Variants in TENM2 observed in about 807,000 individuals in gnomAD.
TENM2 encodes the protein teneurin transmembrane protein 2, also known as teneurin-2.
In TENM2, 52 loss-of-function variants were observed where a neutral mutation model predicts 245.2. The observed-to-expected ratio is 0.21, with a 90% CI of 0.17 to 0.27. TENM2 has a LOEUF of 0.27. Among genes scored for constraint, TENM2 ranks in the 10% least tolerant of loss-of-function variants. The pLI is 1.00. For missense variants in TENM2, 3,046 were observed against 3,666.8 expected, an observed-to-expected ratio of 0.83 and a Z score of 4.37; for synonymous variants, 1,363 against 1,438.9, an observed-to-expected ratio of 0.95 and a Z score of 1.19.
chr5:167,398,254 A>G (rs1762166992), intron 2 of TENM2, among the ~76,000 whole-genome samples: 1 of 152,192 alleles, frequency 6.6e-6, no homozygotes, highest in Admixed American at 6.5e-5. Flanking sequence ...GCTCCATGAC[A>G]TTGGCAAATT....
rs1444570829 is a variant in TENM2, at chr5:168,218,482, T to C, written c.4591T>C (p.Tyr1531His). The C allele has an allele frequency of 7.4e-6, 12 of 1,613,928 alleles. No individual in the cohort carries two copies. In the East Asian group the frequency reaches 2.7e-4, roughly 36 times the overall value. ...CAAAAACGATGTCAATTGCAACTGC[T>C]ATTCAGGAGATGATGCCTACGCGAC... The change falls in exon 23 of 29, where the codon TAT (tyrosine) becomes CAT (histidine). Residue 1531 changes from tyrosine (Y) to histidine (H), a missense_variant. Tyr to His is a moderately conservative substitution (Grantham distance 83). This residue lies in a region of TENM2 where 2,704 missense variants were observed against 3,331.9 expected (regional missense o/e 0.81). Coordinates refer to ENST00000518659, the Ensembl canonical transcript of TENM2. This position sits in a 1 kb window ranked among gnomAD's most constrained non-coding sequence, Gnocchi z 5.2.
chr5:167,200,751 A>G, the TENM2 span, among the ~76,000 whole-genome samples: 12 of 152,174 alleles, frequency 7.9e-5, no homozygotes, highest in Admixed American at 7.9e-4. Context: ...CAACTTTCAC[A>G]GATTTTCCAT....
the TENM2 span, among the ~76,000 whole-genome samples, chr5:166,994,809 A>G: frequency 6.6e-6 from 1 of 152,104 alleles, no homozygotes; most frequent in African/African-American, 2.4e-5. Flanking sequence ...CCAATATGGA[A>G]CTGTCTGAGA....
At chr5:167,372,990 A>C (rs565075091) in intron 1 of TENM2, among the ~76,000 whole-genome samples, 24 of 152,238 alleles carry the variant, frequency 1.6e-4, no homozygotes, top group Non-Finnish European at 3.2e-4. Context: ...AACTGTACCC[A>C]GGGAATAAAC....
At chr5:167,731,531 C>T (rs1000104891) in intron 2 of TENM2, among the ~76,000 whole-genome samples, 1 of 151,970 alleles carries the variant, frequency 6.6e-6, no homozygotes, top group African/African-American at 2.4e-5. Flanking sequence ...GAAAGTCATC[C>T]TGTTGGTAGT....
In TENM2 at chr5:167,858,184, G is replaced by C. The variant is rs894803111; in HGVS notation, c.503-17802G>C. On this transcript the variant is annotated intron_variant, in intron 2 of 28. Transcript: ENST00000518659. ...AGCCCCATCTTCTAAGGCTTATTTAGCATGTCAGAACTGCAGAGACTGGGA... is the reference window on the plus strand; with the variant it reads ...AGCCCCATCTTCTAAGGCTTATTTACCATGTCAGAACTGCAGAGACTGGGA... Among the ~76,000 whole-genome samples the C allele has an allele frequency of 3.3e-5, 5 of 152,362 alleles. No homozygotes were observed. In the South Asian group the frequency reaches 1.0e-3, roughly 32 times the overall value.
intron 1 of TENM2, among the ~76,000 whole-genome samples, chr5:167,304,273 C>T (rs556557633): frequency 3.3e-5 from 5 of 152,170 alleles, no homozygotes; most frequent in Admixed American, 6.5e-5. Context: ...GCACCCACAA[C>T]GGCAGTGGCT....
At chr5:167,268,728 T>C in the TENM2 span, among the ~76,000 whole-genome samples, 1 of 152,166 alleles carries the variant, frequency 6.6e-6, no homozygotes, top group African/African-American at 2.4e-5. Context: ...CTATTACTGC[T>C]TTTGGGTTAC....
chr5:167,128,989 G>A, the TENM2 span, among the ~76,000 whole-genome samples: 1 of 152,178 alleles, frequency 6.6e-6, no homozygotes, highest in Non-Finnish European at 1.5e-5. Context: ...CTCTGATAGT[G>A]AGTTCTGGTC....
chr5:167,005,642 T>C, the TENM2 span, among the ~76,000 whole-genome samples: 2 of 149,828 alleles, frequency 1.3e-5, no homozygotes, highest in South Asian at 4.2e-4. Flanking sequence ...ATTCTTGTTT[T>C]TTCTGTGTGT....
At chr5:167,305,824 G>C (rs1263997944) in intron 1 of TENM2, among the ~76,000 whole-genome samples, 1 of 152,158 alleles carries the variant, frequency 6.6e-6, no homozygotes, top group Non-Finnish European at 1.5e-5. Flanking sequence ...GGGTGCCAGG[G>C]ATCCTCCAGT....
At chr5:167,739,809 C>T (rs1761050221) in intron 2 of TENM2, among the ~76,000 whole-genome samples, 1 of 152,144 alleles carries the variant, frequency 6.6e-6, no homozygotes, top group Non-Finnish European at 1.5e-5. Flanking sequence ...GTTTGGAGTG[C>T]AGAGTTGAGA....
chr5:168,090,104 A>ATTACCT (rs1285588874), intron 7 of TENM2, among the ~76,000 whole-genome samples: 1 of 152,046 alleles, frequency 6.6e-6, no homozygotes, highest in East Asian at 1.9e-4. Flanking sequence ...CAGGAAACCA[A>ATTACCT]TTACATTTTG....
chr5:167,080,826 C>T, the TENM2 span, among the ~76,000 whole-genome samples: 91 of 152,008 alleles, frequency 6.0e-4, 1 homozygote, highest in African/African-American at 2.0e-3. Context: ...TAAAAGAATG[C>T]GTAGCCTGAT....
At chr5:167,637,797 A>G (rs1166977858) in intron 2 of TENM2, among the ~76,000 whole-genome samples, 1 of 152,012 alleles carries the variant, frequency 6.6e-6, no homozygotes, top group Non-Finnish European at 1.5e-5. Flanking sequence ...GGAACATCAC[A>G]CACCGGGGCC....
At chr5:167,835,784 T>G (rs74527646) in intron 2 of TENM2, among the ~76,000 whole-genome samples, 8,257 of 152,250 alleles carry the variant, frequency 0.054, 333 homozygotes, top group Non-Finnish European at 0.085. Flanking sequence ...GACAATGTTT[T>G]TATGTTTTCA....
At position 167,861,870 on chromosome 5, in the gene TENM2, A is replaced by G. The variant is rs185274195; in HGVS notation, c.503-14116A>G. On this transcript the variant is annotated intron_variant, in intron 2 of 28. Coordinates refer to ENST00000518659, the Ensembl canonical transcript of TENM2. The stretch of plus-strand genomic sequence containing the variant: ...ATTTGAAACAGGGCTTACTCTTGCC[A>G]AACAATTTCTCTGTTGGATTAAAAA... Among the ~76,000 whole-genome samples the G allele has an allele frequency of 5.9e-5, 9 of 152,330 alleles. 1 individual carries two copies. The highest frequency in any genetic ancestry group is 3.9e-4 in the Admixed American group (6 of 15,298).
intron 1 of TENM2, among the ~76,000 whole-genome samples, chr5:167,328,796 C>A (rs1757252331): frequency 6.6e-6 from 1 of 152,090 alleles, no homozygotes; most frequent in South Asian, 2.1e-4. Context: ...TATGTCCTGA[C>A]CCTCCTTCTC....
chr5:167,292,020 G>A (rs112021736), intron 1 of TENM2, among the ~76,000 whole-genome samples: 8,099 of 152,150 alleles, frequency 0.053, 695 homozygotes, highest in African/African-American at 0.18. Context: ...ATGGCGGCAG[G>A]GAAGAGCACC....
Sources: gnomAD v4.1 joint callset for allele counts (sites outside exome capture counted in the v4.1 genomes callset) on GRCh38, gnomAD v4.1.1 for gene constraint, gnomAD v4.1.1 regional missense constraint, Gnocchi (gnomAD v3.1) non-coding constraint, MANE v1.5 for transcripts, NCBI Gene and HGNC (gene_info 2026-07-23, HGNC 2026-07-21) for gene names.